NAALADL2: variants seen among roughly 807,000 people sequenced by gnomAD.
NAALADL2 encodes N-acetylated alpha-linked acidic dipeptidase like 2.
In NAALADL2, 76 loss-of-function variants were observed where a neutral mutation model predicts 87.2. The ratio of observed to expected loss-of-function variants is 0.87; its 90% CI spans 0.72 to 1.05. The LOEUF is 1.05. NAALADL2 is among the 50% of genes least tolerant of loss of function. The probability of loss-of-function intolerance (pLI) is 0.00; values close to 1 mark genes in which losing one functional copy is unlikely to be tolerated. For missense variants in NAALADL2, 1,089 were observed against 945.8 expected, an observed-to-expected ratio of 1.15 and a Z score of -1.99; for synonymous variants, 354 against 331.0, an observed-to-expected ratio of 1.07 and a Z score of -0.75.
At chr3:174,579,008 A>T (rs1271860209) in intron 2 of NAALADL2, among the ~76,000 whole-genome samples, 1 of 152,032 alleles carries the variant, frequency 6.6e-6, no homozygotes, top group Non-Finnish European at 1.5e-5. Flanking sequence ...CATATAAGTA[A>T]GTAAAATCAA....
At chr3:175,512,634 G>T (rs1328100138) in intron 9 of NAALADL2, among the ~76,000 whole-genome samples, 1 of 152,186 alleles carries the variant, frequency 6.6e-6, no homozygotes, top group African/African-American at 2.4e-5. Flanking sequence ...GATAAAGCAA[G>T]AATTTATGGT....
chr3:175,445,011 G>T (rs1238073488), intron 5 of NAALADL2, among the ~76,000 whole-genome samples: 1 of 152,108 alleles, frequency 6.6e-6, no homozygotes, highest in Non-Finnish European at 1.5e-5. Context: ...GTATCATCAA[G>T]CTCTGCGCCC....
At chr3:174,835,073 A>G (rs183022461) in intron 3 of NAALADL2, among the ~76,000 whole-genome samples, 284 of 152,176 alleles carry the variant, frequency 1.9e-3, no homozygotes, top group Non-Finnish European at 3.2e-3. Flanking sequence ...AATAATCAAA[A>G]TAACATGGTA....
upstream of NAALADL2, among the ~76,000 whole-genome samples, chr3:174,858,190 T>C (rs2109518280): frequency 6.7e-6 from 1 of 148,162 alleles, no homozygotes; most frequent in Non-Finnish European, 1.5e-5. Flanking sequence ...ATATAATTTG[T>C]AAAATATTAA....
chr3:174,505,020 C>T (rs1287576067), intron 1 of NAALADL2, among the ~76,000 whole-genome samples: 2 of 152,138 alleles, frequency 1.3e-5, no homozygotes, highest in Non-Finnish European at 2.9e-5. Flanking sequence ...ATAACATCAA[C>T]TCTCGAAATA....
chr3:175,182,128 T>C (rs1736649389), intron 2 of NAALADL2, among the ~76,000 whole-genome samples: 1 of 152,040 alleles, frequency 6.6e-6, no homozygotes, highest in African/African-American at 2.4e-5. Flanking sequence ...AGTTTTAATT[T>C]GTGTTTCCCT....
chr3:175,404,340 A>G (rs888451865), intron 5 of NAALADL2, among the ~76,000 whole-genome samples: 1 of 152,092 alleles, frequency 6.6e-6, no homozygotes, highest in Non-Finnish European at 1.5e-5. Flanking sequence ...TCTACCTATG[A>G]TTTTCTGCCT....
Position 175,800,220 on chromosome 3 carries a change from C to T in NAALADL2, c.2190-2785C>T, listed in dbSNP as rs9290569. On this transcript the variant is annotated intron_variant, in intron 13 of 13. Transcript: ENST00000454872. ...CAGAGGCAGTTCTATCCCTCTTTTACGTGCTCCTTGGGCTACAGAGCTTCT... is the reference window on the plus strand; with the variant it reads ...CAGAGGCAGTTCTATCCCTCTTTTATGTGCTCCTTGGGCTACAGAGCTTCT... 1.8e-3 allele frequency among the ~76,000 whole-genome samples: 276 copies of T among 152,130 alleles called. 3 individuals are homozygous for T. Among genetic ancestry groups the T allele is most frequent in the African/African-American group, 6.3e-3 (263 of 41,472 alleles).
intron 1 of NAALADL2, among the ~76,000 whole-genome samples, chr3:174,512,840 C>A (rs766892953): frequency 5.3e-5 from 8 of 152,032 alleles, no homozygotes; most frequent in Non-Finnish European, 1.0e-4. Flanking sequence ...TATATAGTTA[C>A]TCTGGTTTTC....
At chr3:174,446,999 AT>A (rs1270947622) in intron 1 of NAALADL2, among the ~76,000 whole-genome samples, 3 of 152,186 alleles carry the variant, frequency 2.0e-5, no homozygotes, top group Non-Finnish European at 2.9e-5. Flanking sequence ...TTTAAAAATA[AT>A]AACAAGGTAT....
intron 3 of NAALADL2, among the ~76,000 whole-genome samples, chr3:174,762,798 A>G (rs761247090): frequency 5.9e-5 from 9 of 152,158 alleles, no homozygotes; most frequent in Non-Finnish European, 1.2e-4. Context: ...AATAACTTTA[A>G]TATTTGCAAC....
intron 2 of NAALADL2, among the ~76,000 whole-genome samples, chr3:175,228,700 A>G (rs1295270058): frequency 6.6e-6 from 1 of 151,904 alleles, no homozygotes; most frequent in Non-Finnish European, 1.5e-5. Flanking sequence ...AGTACAGACA[A>G]TTTTTAGTAT....
At chr3:175,104,954 A>T (rs1358531617) in intron 2 of NAALADL2, among the ~76,000 whole-genome samples, 1 of 149,812 alleles carries the variant, frequency 6.7e-6, no homozygotes, top group Non-Finnish European at 1.5e-5. Context: ...AATTGTATTA[A>T]CTGGATTCAA....
In NAALADL2 at chr3:174,974,321, T is replaced by C. The variant is rs543839630; in HGVS notation, c.43+114871T>C. ...TCTATGACTTTTAGAGTGAGACTTATACAATTTTCTTTTAATTGTTTTAAT... is the reference window on the plus strand; with the variant it reads ...TCTATGACTTTTAGAGTGAGACTTACACAATTTTCTTTTAATTGTTTTAAT... On this transcript the variant is annotated intron_variant, in intron 1 of 13. Coordinates refer to ENST00000454872, the MANE Select transcript of NAALADL2 (RefSeq NM_207015.3). Among the ~76,000 whole-genome samples, 30 of 152,356 alleles carry C rather than the reference T, an allele frequency of 2.0e-4. No individual in the cohort carries two copies. In the East Asian group the frequency reaches 5.8e-3, roughly 29 times the overall value.
intron 10 of NAALADL2, among the ~76,000 whole-genome samples, chr3:175,606,500 T>C (rs1167720772): frequency 6.6e-6 from 1 of 151,970 alleles, no homozygotes; most frequent in Non-Finnish European, 1.5e-5. Context: ...GCAAAAGATA[T>C]TTTCTTTAAG....
chr3:175,574,237 T>G (rs964876584), intron 9 of NAALADL2, among the ~76,000 whole-genome samples: 4 of 152,152 alleles, frequency 2.6e-5, no homozygotes, highest in African/African-American at 9.7e-5. Context: ...TATTTTCTAT[T>G]AAAAACAACC....
intron 1 of NAALADL2, among the ~76,000 whole-genome samples, chr3:174,453,901 C>T (rs1014155209): frequency 2.0e-5 from 3 of 152,150 alleles, no homozygotes; most frequent in Non-Finnish European, 2.9e-5. Context: ...ATCAAATTTC[C>T]TCATATCAAT....
At chr3:174,704,563 G>A (rs557863571) in intron 2 of NAALADL2, among the ~76,000 whole-genome samples, 1 of 151,928 alleles carries the variant, frequency 6.6e-6, no homozygotes, top group African/African-American at 2.4e-5. Flanking sequence ...AATGAGACAA[G>A]TTTAGAAACA....
intron 2 of NAALADL2, among the ~76,000 whole-genome samples, chr3:174,670,144 CTT>C (rs952511174): frequency 1.3e-5 from 2 of 151,554 alleles, no homozygotes; most frequent in African/African-American, 4.8e-5. Context: ...TTTGTGGAAA[CTT>C]TAGAGTTTTG....
Sources: gnomAD v4.1 joint callset for allele counts (sites outside exome capture counted in the v4.1 genomes callset) on GRCh38, gnomAD v4.1.1 for gene constraint, MANE v1.5 for transcripts, NCBI Gene and HGNC (gene_info 2026-07-23, HGNC 2026-07-21) for gene names.